Variants in MYO9A observed in about 807,000 individuals in gnomAD.
MYO9A encodes the protein unconventional myosin-IXa.
A neutral mutation model predicts 293.3 loss-of-function variants in MYO9A; 103 were observed. That is an observed-to-expected ratio of 0.35 (90% confidence interval 0.30 to 0.41). MYO9A has a LOEUF of 0.41. Ranked by LOEUF, MYO9A falls within the 10% of genes least tolerant of loss-of-function variation. MYO9A has a pLI of 1.00. For missense variants in MYO9A, 2,685 were observed against 3,033.0 expected, an observed-to-expected ratio of 0.89 and a Z score of 2.69; for synonymous variants, 1,001 against 1,035.7, an observed-to-expected ratio of 0.97 and a Z score of 0.64.
At chr15:72,008,026 T>G (rs2077063820) in intron 7 of MYO9A, 74 bp from the exon 8 acceptor site, 2 of 1,502,298 alleles carry the variant, frequency 1.3e-6, no homozygotes, top group African/African-American at 2.8e-5. Context: ...AAATTCTAGT[T>G]AAGCAAATTA....
chr15:71,998,406 A>C (rs987360389), intron 9 of MYO9A, among the ~76,000 whole-genome samples: 3 of 152,180 alleles, frequency 2.0e-5, no homozygotes, highest in Non-Finnish European at 4.4e-5. Flanking sequence ...ACACAAGTTT[A>C]CCTATATAAC....
intron 1 of MYO9A, among the ~76,000 whole-genome samples, chr15:72,057,212 T>C (rs1326131456): frequency 6.6e-6 from 1 of 152,062 alleles, no homozygotes; most frequent in Non-Finnish European, 1.5e-5. Context: ...GAGGTTGCAG[T>C]GAGCAGAGAT....
intron 2 of MYO9A, among the ~76,000 whole-genome samples, chr15:72,044,403 C>CA (rs111300290): frequency 0.048 from 4,877 of 101,526 alleles, 108 homozygotes; most frequent in African/African-American, 0.092. Flanking sequence ...AAAATTGTCT[C>CA]AAAAAAAAAA....
At chr15:71,879,393 A>G (rs928525434) in intron 30 of MYO9A, among the ~76,000 whole-genome samples, 5 of 152,188 alleles carry the variant, frequency 3.3e-5, no homozygotes, top group African/African-American at 1.2e-4. Flanking sequence ...GCCTAGCAAT[A>G]GAGCTAAAAG....
intron 22 of MYO9A, 52 bp downstream of exon 22, chr15:71,902,889 T>C: frequency 7.3e-7 from 1 of 1,365,628 alleles, no homozygotes; most frequent in Non-Finnish European, 9.8e-7. Flanking sequence ...AAATTATTAT[T>C]TTTTAAATAA....
intron 15 of MYO9A, among the ~76,000 whole-genome samples, chr15:71,939,782 A>G (rs954653052): frequency 2.0e-5 from 3 of 152,362 alleles, no homozygotes; most frequent in African/African-American, 7.2e-5. Context: ...TTTATAACAC[A>G]CAAACATGTA....
At chr15:72,031,392 A>G (rs1375244151) in intron 3 of MYO9A, among the ~76,000 whole-genome samples, 1 of 152,228 alleles carries the variant, frequency 6.6e-6, no homozygotes, top group Non-Finnish European at 1.5e-5. Flanking sequence ...AGGCTGAGGC[A>G]GGAGAATCAC....
chr15:71,883,387 G>T (rs917858346), intron 28 of MYO9A, among the ~76,000 whole-genome samples: 9 of 152,122 alleles, frequency 5.9e-5, no homozygotes, highest in African/African-American at 2.2e-4. Flanking sequence ...CTGCTTCATT[G>T]TTTTGTGATG....
intron 12 of MYO9A, among the ~76,000 whole-genome samples, chr15:71,975,303 C>CGTGT (rs3028361): frequency 0.012 from 1,703 of 143,754 alleles, 30 homozygotes; most frequent in African/African-American, 0.026. Flanking sequence ...ATGATTTTAT[C>CGTGT]GTGTGTGTGT....
intron 11 of MYO9A, among the ~76,000 whole-genome samples, chr15:71,986,173 C>T (rs1043720949): frequency 6.6e-6 from 1 of 152,152 alleles, no homozygotes; most frequent in African/African-American, 2.4e-5. Context: ...CAACTATTTA[C>T]ATACCATTTA....
chr15:71,896,620 A>C (rs1403394565), intron 25 of MYO9A, among the ~76,000 whole-genome samples: 1 of 151,988 alleles, frequency 6.6e-6, no homozygotes, highest in East Asian at 1.9e-4. Context: ...TCTCTACTAA[A>C]AATACAAAAA....
chr15:72,019,169 T>C, intron 5 of MYO9A, 74 bp from the exon 6 acceptor site: 3 of 1,240,746 alleles, frequency 2.4e-6, no homozygotes, highest in Non-Finnish European at 1.2e-6. Context: ...AGATGTGGTG[T>C]GCAAGTAGTA....
At chr15:72,003,188 G>A (rs1210971365) in intron 8 of MYO9A, among the ~76,000 whole-genome samples, 1 of 151,196 alleles carries the variant, frequency 6.6e-6, no homozygotes, top group Non-Finnish European at 1.5e-5. Flanking sequence ...AGAATCGCTT[G>A]AACCTGGGAG....
chr15:72,084,486 T>G (rs1383575762), intron 1 of MYO9A, among the ~76,000 whole-genome samples: 2 of 152,186 alleles, frequency 1.3e-5, no homozygotes, highest in Non-Finnish European at 2.9e-5. Context: ...AGGTTAGTAT[T>G]GATAAGTGTG....
intron 38 of MYO9A, 102 bp downstream of exon 38, chr15:71,849,934 C>A: frequency 6.9e-7 from 1 of 1,441,134 alleles, no homozygotes; most frequent in Non-Finnish European, 9.6e-7. Context: ...CTTAAAAACA[C>A]CTGAATTTAT....
At chr15:71,834,794 A>C (rs1389746764) in intron 39 of MYO9A, among the ~76,000 whole-genome samples, 4 of 152,042 alleles carry the variant, frequency 2.6e-5, no homozygotes, top group African/African-American at 9.7e-5. Context: ...AAAAACAAAA[A>C]AGGATTATTA....
chr15:71,922,656 A>G (rs988703557), intron 18 of MYO9A, among the ~76,000 whole-genome samples: 1 of 152,238 alleles, frequency 6.6e-6, no homozygotes, highest in African/African-American at 2.4e-5. Context: ...ATATACTGCT[A>G]TGAGTTTGGC....
At chr15:71,902,347 G>A (rs909236907) in intron 22 of MYO9A, among the ~76,000 whole-genome samples, 3 of 151,850 alleles carry the variant, frequency 2.0e-5, no homozygotes, top group Non-Finnish European at 2.9e-5. Flanking sequence ...AGTATATTAA[G>A]ATAATAATTT....
At chr15:72,013,563 T>C (rs958901117) in intron 6 of MYO9A, among the ~76,000 whole-genome samples, 1 of 152,206 alleles carries the variant, frequency 6.6e-6, no homozygotes, top group African/African-American at 2.4e-5. Context: ...TTGTTTGTAC[T>C]TGATAACATG....
Sources: allele counts gnomAD v4.1 joint callset (sites outside exome capture counted in the v4.1 genomes callset), GRCh38; gene constraint gnomAD v4.1.1; transcripts MANE v1.5; gene names NCBI Gene and HGNC (gene_info 2026-07-23, HGNC 2026-07-21).